Variants in PAGE1 observed in about 807,000 individuals in gnomAD.
PAGE1 encodes P antigen family member 1.
In PAGE1, 6 loss-of-function variants were observed where a neutral mutation model predicts 11.5. That is an observed-to-expected ratio of 0.52 (90% CI 0.29 to 1.03). The LOEUF is 1.03. Ranked by LOEUF, PAGE1 falls within the 50% of genes least tolerant of loss-of-function variation. The pLI is 0.09. For synonymous variants in PAGE1, 42 were observed against 40.2 expected, an observed-to-expected ratio of 1.05 and a Z score of -0.17; for missense variants, 120 against 110.2, an observed-to-expected ratio of 1.09 and a Z score of -0.40.
chrX:49,689,864 G>A lies in PAGE1; in HGVS notation c.293-321C>T, dbSNP rs188864020. Among the ~76,000 whole-genome samples the A allele has an allele frequency of 9.1e-5, 5 of 54,836 alleles. 1 individual carries two copies. The highest frequency in any genetic ancestry group is 7.2e-4 in the East Asian group (1 of 1,388). The allele number at this position is 54,836 out of a possible 115,157, so 47.6% of individuals were successfully genotyped here. ...TGTATATACACACATATATAGGTGT[G>A]TATATATGTGTATATACACACATAT... On this transcript the variant is annotated intron_variant, in intron 4 of 5. Transcript: ENST00000376150.
chrX:49,694,529 A>C (rs1557142615), intron 2 of PAGE1, among the ~76,000 whole-genome samples, 179 bp downstream of exon 2: 1 of 111,570 alleles, frequency 9.0e-6, no homozygotes, highest in Non-Finnish European at 1.9e-5. Context: ...GAGAAAAAAA[A>C]AATCCTCCTG....
rs2066940429 is a variant in PAGE1, at chrX:49,695,917, A to T, written c.-57T>A. 1 of 112,341 alleles carries T rather than the reference A, an allele frequency of 8.9e-6. No individual in the cohort carries two copies. Among genetic ancestry groups the T allele is most frequent in the Admixed American group, 9.5e-5 (1 of 10,578 alleles). The allele number at this position is 112,341 out of a possible 1,213,427, so 9.3% of individuals were successfully genotyped here. ...CCTGCGGATCTACCAGATGAGTCTCAGTAGAGGAAAAAAGTGTCCGGACAG... is the reference window on the plus strand; with the variant it reads ...CCTGCGGATCTACCAGATGAGTCTCTGTAGAGGAAAAAAGTGTCCGGACAG... On this transcript the variant is annotated 5_prime_UTR_variant, in exon 1 of 6. Coordinates refer to ENST00000376150, the MANE Select transcript of PAGE1 (RefSeq NM_003785.4).
chrX:49,692,783 A>ATTATTTAT (rs781833593), intron 3 of PAGE1, among the ~76,000 whole-genome samples: 4,330 of 109,566 alleles, frequency 0.04, 227 homozygotes, highest in African/African-American at 0.14. Flanking sequence ...CGAAACATTT[A>ATTATTTAT]TTATTTATTT....
intron 3 of PAGE1, 78 bp downstream of exon 3, chrX:49,694,021 G>GAGACAC (rs879982233): frequency 1.1e-5 from 4 of 363,541 alleles, no homozygotes; most frequent in Non-Finnish European, 1.8e-5. Context: ...CAATGCATGA[G>GAGACAC]ACACACACAC....
chrX:49,689,627 T>C (rs2066900966), intron 4 of PAGE1, 84 bp from the exon 5 acceptor site: 2 of 96,161 alleles, frequency 2.1e-5, no homozygotes, highest in Non-Finnish European at 3.2e-5. Flanking sequence ...TACATATATA[T>C]ATACATATAC....
In PAGE1 at chrX:49,689,418, CT is replaced by C; in HGVS notation, c.417del (p.Asp140MetfsTer24). 9.0e-7 allele frequency: 1 copy of C among 1,108,141 alleles called. No homozygotes were observed. Among genetic ancestry groups the C allele is most frequent in the Non-Finnish European group, 1.2e-6 (1 of 835,483 alleles). 91.3% of individuals were successfully genotyped at this position (1,108,141 alleles called of 1,213,427 possible). On this transcript the variant is annotated frameshift_variant and splice_region_variant, in exon 5 of 6. Coordinates refer to ENST00000376150, the MANE Select transcript of PAGE1 (RefSeq NM_003785.4). LOFTEE classifies it high-confidence loss of function. Reference sequence around the variant, plus strand: ...TTTGCATGCCTAATGGATTGCCTACCTTCCTCAGGTGTTTTCACCTCCTCTG... The same window carrying C: ...TTTGCATGCCTAATGGATTGCCTACCTCCTCAGGTGTTTTCACCTCCTCTG... The part of the protein sequence containing the change: ...PNPEEVKTPE[E>X]DEGQSQP
intron 1 of PAGE1, among the ~76,000 whole-genome samples, chrX:49,695,084 T>A (rs2066936275): frequency 8.9e-6 from 1 of 112,843 alleles, no homozygotes; most frequent in Admixed American, 9.3e-5. Flanking sequence ...CACACTTCAC[T>A]GCAGCCTCGA....
intron 1 of PAGE1, among the ~76,000 whole-genome samples, 167 bp from the exon 2 acceptor site, chrX:49,694,945 C>T (rs1300757120): frequency 4.4e-5 from 5 of 112,548 alleles, no homozygotes; most frequent in African/African-American, 1.6e-4. Flanking sequence ...TGCAAAGCCA[C>T]TTATGCTCCC....
chrX:49,692,808 G>A (rs985807758), intron 3 of PAGE1, among the ~76,000 whole-genome samples: 4 of 104,459 alleles, frequency 3.8e-5, no homozygotes, highest in East Asian at 6.2e-4. Flanking sequence ...ATTTATTTGC[G>A]ATGAGGTCTC....
chrX:49,689,178 TA>T (rs1557141386), intron 5 of PAGE1, among the ~76,000 whole-genome samples: 1 of 108,811 alleles, frequency 9.2e-6, no homozygotes, highest in Non-Finnish European at 1.9e-5. Flanking sequence ...TCGTCTCTAC[TA>T]AAAATACAAA....
At chrX:49,695,283 TTCACCCCCC>T (rs2066937205) in intron 1 of PAGE1, among the ~76,000 whole-genome samples, 1 of 112,283 alleles carries the variant, frequency 8.9e-6, no homozygotes, top group African/African-American at 3.2e-5. Context: ...ACTAGAGCCA[TTCACCCCCC>T]TCAAATCAAG....
chrX:49,691,226 T>G, intron 4 of PAGE1, 23 bp downstream of exon 4: 1 of 1,202,656 alleles, frequency 8.3e-7, no homozygotes, highest in Non-Finnish European at 1.1e-6. Flanking sequence ...CCCTACAATT[T>G]GCATGCTTAA....
chrX:49,691,202 T>C, intron 4 of PAGE1, 47 bp downstream of exon 4: 3 of 1,178,872 alleles, frequency 2.5e-6, no homozygotes, highest in Non-Finnish European at 3.4e-6. Flanking sequence ...ATTATAATAC[T>C]GTGGAAACAG....
At chrX:49,691,405 G>A in intron 3 of PAGE1, 31 bp from the exon 4 acceptor site, 1 of 1,143,184 alleles carries the variant, frequency 8.7e-7, no homozygotes. Context: ...ATCATTTTAA[G>A]CAGCAACACA....
chrX:49,689,342 A>G, intron 5 of PAGE1, 76 bp downstream of exon 5: 1 of 927,781 alleles, frequency 1.1e-6, no homozygotes, highest in South Asian at 2.5e-5. Context: ...CTCTGTCTCA[A>G]AAAAATAATA....
At position 49,694,137 on chromosome X, in the gene PAGE1, G is replaced by A. The variant is rs201259893; in HGVS notation, c.128C>T (p.Ala43Val). The A allele has an allele frequency of 3.3e-6, 4 of 1,195,971 alleles. No individual in the cohort carries two copies. Residue 43 changes from alanine (A) to valine (V), a missense_variant, in exon 3 of 6, where the codon GCT becomes GTT. Transcript: ENST00000376150. Reference sequence around the variant, plus strand: ...TGCTCCCTCATCCTCTCTCTCTTCAGCAGGTGTAGAATCCTGACTTTGAGT... The same window carrying A: ...TGCTCCCTCATCCTCTCTCTCTTCAACAGGTGTAGAATCCTGACTTTGAGT... ...SPTQSQDSTPAEEREDEGASA... is the reference protein window; with the variant it reads ...SPTQSQDSTPVEEREDEGASA...
intron 4 of PAGE1, 86 bp downstream of exon 4, chrX:49,691,163 G>A (rs782059322): frequency 1.0e-6 from 1 of 959,966 alleles, no homozygotes; most frequent in Non-Finnish European, 1.4e-6. Flanking sequence ...GGGTGACAGA[G>A]TGAGACTCCA....
chrX:49,694,820 G>A, intron 1 of PAGE1, 42 bp from the exon 2 acceptor site: 3 of 742,182 alleles, frequency 4.0e-6, no homozygotes, highest in Middle Eastern at 6.0e-4. Flanking sequence ...CACTTGAGAG[G>A]ACAGCTATAT....
At position 49,689,857 on chromosome X, in the gene PAGE1, TAG is replaced by T. The variant is rs200290765; in HGVS notation, c.293-316_293-315del. 1.7e-3 allele frequency among the ~76,000 whole-genome samples: 97 copies of T among 56,134 alleles called. 12 individuals carry two copies. Among genetic ancestry groups the T allele is most frequent in the African/African-American group, 7.7e-3 (91 of 11,844 alleles). The allele number at this position is 56,134 out of a possible 115,157, so 48.7% of individuals were successfully genotyped here. A position where few individuals can be genotyped will look rare whatever the true frequency, so the allele number is the denominator to read the frequency against. On this transcript the variant is annotated intron_variant, in intron 4 of 5. Coordinates refer to ENST00000376150, the MANE Select transcript of PAGE1 (RefSeq NM_003785.4). The stretch of plus-strand genomic sequence containing the variant: ...ATATGTGTGTATATACACACATATA[TAG>T]GTGTGTATATATGTGTATATACACA...
Sources: gnomAD v4.1 joint callset for allele counts (sites outside exome capture counted in the v4.1 genomes callset) on GRCh38, gnomAD v4.1.1 for gene constraint, MANE v1.5 for transcripts, NCBI Gene and HGNC (gene_info 2026-07-23, HGNC 2026-07-21) for gene names.